The following PEBP4 variants were observed in gnomAD, a reference collection of about 807,000 sequenced individuals.
PEBP4 encodes the protein phosphatidylethanolamine binding protein 4.
Under a neutral mutation model 23.9 loss-of-function variants are expected in PEBP4, and 22 were observed. The observed-to-expected ratio is 0.92, with a 90% confidence interval of 0.66 to 1.31. The LOEUF (loss-of-function observed/expected upper bound fraction) is 1.31, where lower values mean the gene tolerates loss of function less well. Ranked by LOEUF, PEBP4 falls within the 40% of genes most tolerant of loss-of-function variation. PEBP4 has a pLI of 0.00. For missense variants in PEBP4, 324 were observed against 281.7 expected (o/e 1.15, Z -1.07); for synonymous variants, 112 against 99.3 (o/e 1.13, Z -0.76).
intron 4 of PEBP4, among the ~76,000 whole-genome samples, chr8:22,764,551 G>A (rs1460462255): frequency 6.6e-6 from 1 of 152,002 alleles, no homozygotes; most frequent in Non-Finnish European, 1.5e-5. Flanking sequence ...AGGCCTTTAT[G>A]TATATATATA....
intron 4 of PEBP4, among the ~76,000 whole-genome samples, chr8:22,728,150 G>T (rs1804654801): frequency 6.6e-6 from 1 of 152,192 alleles, no homozygotes; most frequent in Admixed American, 6.5e-5. Flanking sequence ...TAGAAGAGGG[G>T]CTCATGGGAT....
intron 4 of PEBP4, among the ~76,000 whole-genome samples, chr8:22,737,114 C>A (rs1804879907): frequency 6.6e-6 from 1 of 151,876 alleles, no homozygotes; most frequent in Admixed American, 6.6e-5. Flanking sequence ...GCCAACTTGG[C>A]AAAACCCGGT....
At position 22,809,948 on chromosome 8, in the gene PEBP4, C is replaced by CATGGATA. The variant is rs555304404; in HGVS notation, c.357+7682_357+7688dup. 3.3e-5 allele frequency among the ~76,000 whole-genome samples: 5 copies of CATGGATA among 152,334 alleles called. No individual in the cohort carries two copies. The South Asian group carries it at 1.0e-3, about 32-fold the overall frequency. ...CAGTGGGAAAATTTCCTGGGTCACC[C>CATGGATA]ATGGATAATTACTGTCATTAATAAA... On this transcript the variant is annotated intron_variant, in intron 4 of 6. Transcript: ENST00000256404.
chr8:22,797,279 A>C (rs149481720), intron 4 of PEBP4, among the ~76,000 whole-genome samples: 1,825 of 151,678 alleles, frequency 0.012, 18 homozygotes, highest in Middle Eastern at 0.017. Flanking sequence ...AAAAGACAGA[A>C]AGAAAGAAAA....
At chr8:22,833,891 T>C (rs1462764166) in intron 3 of PEBP4, among the ~76,000 whole-genome samples, 1 of 152,166 alleles carries the variant, frequency 6.6e-6, no homozygotes. Context: ...TGATCTAATG[T>C]AGAGTTAGGG....
chr8:22,816,613 A>G (rs1241408710), intron 4 of PEBP4, among the ~76,000 whole-genome samples: 3 of 152,226 alleles, frequency 2.0e-5, no homozygotes, highest in East Asian at 3.8e-4. Flanking sequence ...CACATTTCCC[A>G]TATTACAGAG....
chr8:22,935,677 A>C (rs2128783322), intron 1 of PEBP4, among the ~76,000 whole-genome samples: 1 of 152,322 alleles, frequency 6.6e-6, no homozygotes, highest in Non-Finnish European at 1.5e-5. Flanking sequence ...TGTTTTATGC[A>C]CAACATTATT....
chr8:22,934,688 C>T (rs1029706299), intron 1 of PEBP4, among the ~76,000 whole-genome samples: 5 of 151,956 alleles, frequency 3.3e-5, no homozygotes. Context: ...TGCAAGCAAG[C>T]AAGCAAGCAA....
At chr8:22,737,247 T>A (rs1311226848) in intron 4 of PEBP4, among the ~76,000 whole-genome samples, 1 of 145,518 alleles carries the variant, frequency 6.9e-6, no homozygotes, top group Non-Finnish European at 1.5e-5. Flanking sequence ...TGAGATCAGA[T>A]TGAGCCACTG....
At chr8:22,816,833 C>A (rs1806750918) in intron 4 of PEBP4, among the ~76,000 whole-genome samples, 1 of 152,194 alleles carries the variant, frequency 6.6e-6, no homozygotes, top group Non-Finnish European at 1.5e-5. Flanking sequence ...CCCCAAAGAG[C>A]ACTGCCAGGC....
chr8:22,826,397 A>AT (rs1806969196), intron 3 of PEBP4, among the ~76,000 whole-genome samples: 1 of 152,194 alleles, frequency 6.6e-6, no homozygotes, highest in Non-Finnish European at 1.5e-5. Flanking sequence ...CACTTCCGTG[A>AT]TTTTTCCAAC....
Position 22,826,448 on chromosome 8 carries a change from G to T in PEBP4, c.259-8713C>A, listed in dbSNP as rs1187236987. Among the ~76,000 whole-genome samples the T allele has an allele frequency of 2.6e-5, 4 of 152,270 alleles. No homozygotes were observed. The South Asian group carries it at 6.2e-4, about 24-fold the overall frequency. On this transcript the variant is annotated intron_variant, in intron 3 of 6. Coordinates refer to ENST00000256404, the MANE Select transcript of PEBP4 (RefSeq NM_144962.3). Reference sequence around the variant, plus strand: ...ACTTATGAAATGACTTGTATATAAGGTTATTCATTTCAGCCCTGTCACAGT... The same window carrying T: ...ACTTATGAAATGACTTGTATATAAGTTTATTCATTTCAGCCCTGTCACAGT...
chr8:22,866,867 G>T (rs952142886), intron 3 of PEBP4, among the ~76,000 whole-genome samples: 7 of 152,100 alleles, frequency 4.6e-5, no homozygotes, highest in Admixed American at 3.3e-4. Context: ...CTTCCAAAAG[G>T]TGGTGATGTG....
intron 2 of PEBP4, among the ~76,000 whole-genome samples, chr8:22,927,304 A>G (rs937147259): frequency 3.9e-5 from 6 of 151,988 alleles, no homozygotes; most frequent in Admixed American, 6.6e-5. Context: ...GCCCCCACAA[A>G]GACCCCCCAG....
intron 3 of PEBP4, among the ~76,000 whole-genome samples, chr8:22,850,893 A>C (rs1807537358): frequency 6.6e-6 from 1 of 152,248 alleles, no homozygotes; most frequent in Non-Finnish European, 1.5e-5. Context: ...ACTTGGGTTC[A>C]GACACGGCTT....
chr8:22,748,882 G>A (rs915299998), intron 4 of PEBP4, among the ~76,000 whole-genome samples: 3 of 152,154 alleles, frequency 2.0e-5, no homozygotes, highest in Admixed American at 6.5e-5. Context: ...CTGGGGGAAG[G>A]GTGTTGGCCC....
intron 3 of PEBP4, among the ~76,000 whole-genome samples, chr8:22,851,276 C>T (rs1807543495): frequency 6.6e-6 from 1 of 152,182 alleles, no homozygotes; most frequent in African/African-American, 2.4e-5. Context: ...AAAGCCGGAA[C>T]ATCTGGCTTG....
intron 6 of PEBP4, among the ~76,000 whole-genome samples, chr8:22,723,071 G>T (rs924787789): frequency 1.3e-5 from 2 of 151,898 alleles, no homozygotes; most frequent in Non-Finnish European, 2.9e-5. Context: ...GTGAGCCACC[G>T]CGCCCAGCCT....
At chr8:22,929,971 G>A (rs1467980302), upstream of PEBP4, among the ~76,000 whole-genome samples, 2 of 152,160 alleles carry the variant, frequency 1.3e-5, no homozygotes, top group South Asian at 2.1e-4. Context: ...CCAAAGTGCT[G>A]GGATTACAGG....
Sources: allele counts gnomAD v4.1 joint callset (sites outside exome capture counted in the v4.1 genomes callset), GRCh38; gene constraint gnomAD v4.1.1; transcripts MANE v1.5; gene names NCBI Gene and HGNC (gene_info 2026-07-23, HGNC 2026-07-21).